RIMS2: variants seen among roughly 807,000 people sequenced by gnomAD.
RIMS2 encodes the protein regulating synaptic membrane exocytosis 2.
Under a neutral mutation model 174.4 loss-of-function variants are expected in RIMS2, and 59 were observed. The observed-to-expected ratio is 0.34, with a 90% CI of 0.27 to 0.42. The LOEUF is 0.42. RIMS2 is among the 10% of genes least tolerant of loss of function. The pLI, the probability that RIMS2 is intolerant of heterozygous loss-of-function variation, is 1.00. For synonymous variants in RIMS2, 606 were observed against 572.5 expected, an observed-to-expected ratio of 1.06 and a Z score of -0.84; for missense variants, 1,620 against 1,666.3, an observed-to-expected ratio of 0.97 and a Z score of 0.48.
chr8:104,252,990 G>A (rs1425770855), downstream of RIMS2: 2 of 152,088 alleles, frequency 1.3e-5, no homozygotes, highest in Admixed American at 6.5e-5. Context: ...TTTCTCAAGG[G>A]AAAATTAACT....
intron 3 of RIMS2, among the ~76,000 whole-genome samples, chr8:103,811,515 G>A (rs2098687679): frequency 6.6e-6 from 1 of 152,114 alleles, no homozygotes; most frequent in Non-Finnish European, 1.5e-5. Flanking sequence ...CGTGATCTTG[G>A]CTCACTGCAA....
At chr8:103,641,023 C>G (rs1373589113) in intron 1 of RIMS2, among the ~76,000 whole-genome samples, 1 of 152,090 alleles carries the variant, frequency 6.6e-6, no homozygotes, top group Non-Finnish European at 1.5e-5. Flanking sequence ...TATTTTGACA[C>G]TTTGTTGTTA....
Position 103,753,830 on chromosome 8 carries a change from T to C in RIMS2, c.388-12397T>C, listed in dbSNP as rs544841434. The stretch of plus-strand genomic sequence containing the variant: ...TGATTCTTCTCTGTTTTCTTCTTTA[T>C]TAGTCTTGCTAGTGGTCTATCAATT... On this transcript the variant is annotated intron_variant, in intron 2 of 23. Coordinates refer to ENST00000504942, the Ensembl canonical transcript of RIMS2. Among the ~76,000 whole-genome samples, 111 of 152,358 alleles carry C rather than the reference T, an allele frequency of 7.3e-4. 1 individual carries two copies. The highest frequency in any genetic ancestry group is 2.4e-3 in the African/African-American group (98 of 41,590).
chr8:103,952,539 C>G (rs539444673), intron 14 of RIMS2, among the ~76,000 whole-genome samples: 1 of 152,094 alleles, frequency 6.6e-6, no homozygotes, highest in Non-Finnish European at 1.5e-5. Context: ...GGAAGGAAAC[C>G]GACAAACAGA....
intron 19 of RIMS2, among the ~76,000 whole-genome samples, chr8:104,196,269 C>G (rs914341341): frequency 6.6e-6 from 1 of 152,084 alleles, no homozygotes; most frequent in Non-Finnish European, 1.5e-5. Flanking sequence ...TCCTTTTCAA[C>G]TTTTTATATC....
intron 1 of RIMS2, among the ~76,000 whole-genome samples, chr8:103,626,139 C>G (rs1190728007): frequency 3.3e-5 from 5 of 151,990 alleles, no homozygotes. Flanking sequence ...CATAGGGATA[C>G]AGTTTAATTT....
intron 1 of RIMS2, among the ~76,000 whole-genome samples, chr8:103,508,797 G>A (rs1370777403): frequency 2.0e-5 from 3 of 152,084 alleles, no homozygotes; most frequent in Non-Finnish European, 4.4e-5. Flanking sequence ...CATGAAATAA[G>A]GCAGTAGAGG....
At chr8:103,615,879 A>T (rs1487453855) in intron 1 of RIMS2, among the ~76,000 whole-genome samples, 1 of 152,160 alleles carries the variant, frequency 6.6e-6, no homozygotes, top group African/African-American at 2.4e-5. Flanking sequence ...ATCAGTAGTA[A>T]GTAGCCTGAA....
chr8:104,213,903 G>GAAC (rs2099117679), intron 19 of RIMS2, among the ~76,000 whole-genome samples: 1 of 151,266 alleles, frequency 6.6e-6, no homozygotes, highest in African/African-American at 2.4e-5. Flanking sequence ...AGAAGAAGAA[G>GAAC]AAGAAGAAGA....
chr8:103,862,730 A>G (rs1262661198), intron 3 of RIMS2, among the ~76,000 whole-genome samples: 5 of 151,934 alleles, frequency 3.3e-5, no homozygotes, highest in African/African-American at 9.7e-5. Context: ...TGTTGTGGCT[A>G]TTGTAAATGG....
intron 1 of RIMS2, among the ~76,000 whole-genome samples, chr8:103,668,543 A>G (rs998140814): frequency 2.0e-5 from 3 of 151,524 alleles, no homozygotes; most frequent in Admixed American, 1.3e-4. Flanking sequence ...GTAATTTAGA[A>G]GAGTCACCAC....
At chr8:104,153,928 G>A (rs1287090368) in intron 19 of RIMS2, among the ~76,000 whole-genome samples, 2 of 152,218 alleles carry the variant, frequency 1.3e-5, no homozygotes, top group East Asian at 3.8e-4. Context: ...AATTTGGCAA[G>A]ATGGAGAAAT....
At position 103,885,741 on chromosome 8, in the gene RIMS2, C is replaced by A. The variant is rs1399560927; in HGVS notation, c.1142C>A (p.Ser381Tyr). ...TTGGCAAATGCTGATCTGGAAGATTCCAGGATTTCTATGCTAAGGATGGAT... is the reference window on the plus strand; with the variant it reads ...TTGGCAAATGCTGATCTGGAAGATTACAGGATTTCTATGCTAAGGATGGAT... The change falls in exon 4 of 24, where the codon TCC becomes TAC. Residue 381 changes from serine to tyrosine, a missense_variant. Transcript: ENST00000504942. The A allele has an allele frequency of 4.3e-6, 7 of 1,612,770 alleles. No homozygotes were observed. The Admixed American group carries it at 1.2e-4, about 27-fold the overall frequency.
At chr8:103,562,572 A>G (rs1016850082) in intron 1 of RIMS2, among the ~76,000 whole-genome samples, 29 of 152,150 alleles carry the variant, frequency 1.9e-4, no homozygotes, top group African/African-American at 6.8e-4. Context: ...CGCTGCCTTC[A>G]TGGGCTGGCA....
At chr8:103,666,372 T>C (rs1188331678) in intron 1 of RIMS2, among the ~76,000 whole-genome samples, 1 of 152,174 alleles carries the variant, frequency 6.6e-6, no homozygotes, top group East Asian at 1.9e-4. Context: ...CTAAGCCTAA[T>C]TTAACAATTC....
intron 19 of RIMS2, among the ~76,000 whole-genome samples, chr8:104,149,518 T>C (rs1052442350): frequency 1.3e-4 from 20 of 152,078 alleles, no homozygotes; most frequent in African/African-American, 4.8e-4. Context: ...GAAAAGCCAC[T>C]GTTAGCAATT....
chr8:103,998,742 A>T (rs1340585611), intron 17 of RIMS2, among the ~76,000 whole-genome samples: 2 of 151,720 alleles, frequency 1.3e-5, no homozygotes, highest in Non-Finnish European at 3.0e-5. Context: ...CTCCTTTGTC[A>T]TAGTAGATAA....
chr8:103,938,676 A>G (rs1054787536), intron 13 of RIMS2, among the ~76,000 whole-genome samples: 3 of 152,146 alleles, frequency 2.0e-5, no homozygotes, highest in African/African-American at 2.4e-5. Flanking sequence ...CCAGAGTCCA[A>G]AGTCCAAAGT....
Position 104,041,051 on chromosome 8 carries a change from C to T in RIMS2, c.3334+26436C>T, listed in dbSNP as rs138502904. On this transcript the variant is annotated intron_variant, in intron 19 of 23. Coordinates refer to ENST00000504942, the Ensembl canonical transcript of RIMS2. Reference sequence around the variant, plus strand: ...GCATTGGTGTTCAGGATTTGCTGTACGTAAATAATTGTAAACTTCTGGATC... The same window carrying T: ...GCATTGGTGTTCAGGATTTGCTGTATGTAAATAATTGTAAACTTCTGGATC... 3.9e-3 allele frequency among the ~76,000 whole-genome samples: 593 copies of T among 151,728 alleles called. 6 individuals are homozygous for T. Among genetic ancestry groups the T allele is most frequent in the Non-Finnish European group, 3.1e-3 (208 of 67,628 alleles).
Sources: gnomAD v4.1 joint callset for allele counts (sites outside exome capture counted in the v4.1 genomes callset) on GRCh38, gnomAD v4.1.1 for gene constraint, MANE v1.5 for transcripts, NCBI Gene and HGNC (gene_info 2026-07-23, HGNC 2026-07-21) for gene names.